NAALADL2: variants seen among roughly 807,000 people sequenced by gnomAD.
NAALADL2 encodes the protein N-acetylated alpha-linked acidic dipeptidase like 2.
In NAALADL2, 76 loss-of-function variants were observed where a neutral mutation model predicts 87.2. That is an observed-to-expected ratio of 0.87 (90% confidence interval 0.72 to 1.05). NAALADL2 has a LOEUF of 1.05. Ranked by LOEUF, NAALADL2 falls within the 50% of genes least tolerant of loss-of-function variation. NAALADL2 has a pLI of 0.00. For synonymous variants in NAALADL2, 354 were observed against 331.0 expected (o/e 1.07, Z -0.75); for missense variants, 1,089 against 945.8 (o/e 1.15, Z -1.99).
intron 1 of NAALADL2, among the ~76,000 whole-genome samples, chr3:174,953,063 G>A (rs1271660664): frequency 1.3e-5 from 2 of 151,926 alleles, no homozygotes; most frequent in African/African-American, 2.4e-5. Flanking sequence ...CAACAACCCT[G>A]TGGGAAGTTA....
intron 2 of NAALADL2, among the ~76,000 whole-genome samples, chr3:175,158,767 G>GA (rs1401062333): frequency 2.6e-5 from 4 of 151,770 alleles, no homozygotes; most frequent in African/African-American, 7.3e-5. Flanking sequence ...TTGAAAATTA[G>GA]AAAAAATAGG....
At chr3:174,987,389 G>A (rs928414685) in intron 1 of NAALADL2, among the ~76,000 whole-genome samples, 10 of 150,102 alleles carry the variant, frequency 6.7e-5, no homozygotes, top group Non-Finnish European at 1.2e-4. Flanking sequence ...CTAAAACGGT[G>A]AAACCCCGTC....
intron 1 of NAALADL2, among the ~76,000 whole-genome samples, chr3:174,531,915 G>C (rs1464129): frequency 0.67 from 101,917 of 151,930 alleles, 34,597 homozygotes; most frequent in East Asian, 0.87. Context: ...GGACTTGTCT[G>C]TAGAAATACA....
At chr3:175,452,382 A>G (rs1434385268) in intron 6 of NAALADL2, among the ~76,000 whole-genome samples, 2 of 152,190 alleles carry the variant, frequency 1.3e-5, no homozygotes, top group Non-Finnish European at 2.9e-5. Context: ...TGGCCATAAC[A>G]AAACTAAGTA....
At chr3:174,834,656 A>T (rs1346359537) in intron 3 of NAALADL2, among the ~76,000 whole-genome samples, 3 of 151,910 alleles carry the variant, frequency 2.0e-5, no homozygotes, top group Admixed American at 1.3e-4. Context: ...ATACTAGTAA[A>T]ATACTATTAA....
chr3:174,471,239 G>A (rs1263112906), intron 1 of NAALADL2, among the ~76,000 whole-genome samples: 2 of 151,314 alleles, frequency 1.3e-5, no homozygotes, highest in African/African-American at 4.9e-5. Context: ...ATAAATATAA[G>A]TTTTTCTGTA....
chr3:174,709,318 C>T (rs1730404636), intron 2 of NAALADL2, among the ~76,000 whole-genome samples: 1 of 152,052 alleles, frequency 6.6e-6, no homozygotes, highest in South Asian at 2.1e-4. Context: ...TGTCTTTCAT[C>T]ATGTTCATTG....
At chr3:175,079,266 T>A (rs538791441) in intron 1 of NAALADL2, 1 of 152,364 alleles carries the variant, frequency 6.6e-6, no homozygotes, top group East Asian at 1.9e-4. Flanking sequence ...TGTCATTTTT[T>A]AAATTGGATT....
At chr3:175,695,174 G>A (rs1270370905) in intron 11 of NAALADL2, among the ~76,000 whole-genome samples, 1 of 151,856 alleles carries the variant, frequency 6.6e-6, no homozygotes, top group African/African-American at 2.4e-5. Flanking sequence ...ATAAACCATG[G>A]TTTCCAACAA....
intron 5 of NAALADL2, among the ~76,000 whole-genome samples, chr3:175,362,815 T>C (rs764236893): frequency 1.1e-4 from 17 of 147,948 alleles, no homozygotes; most frequent in Non-Finnish European, 2.3e-4. Flanking sequence ...TAGAACTGTT[T>C]CCTGTTCACT....
intron 2 of NAALADL2, among the ~76,000 whole-genome samples, chr3:174,675,245 T>A (rs910339478): frequency 2.6e-5 from 4 of 152,042 alleles, no homozygotes; most frequent in African/African-American, 9.7e-5. Context: ...GCTTTGAGAT[T>A]ATTCCTAGTT....
At chr3:175,462,648 A>G (rs948730166) in intron 6 of NAALADL2, among the ~76,000 whole-genome samples, 1 of 152,116 alleles carries the variant, frequency 6.6e-6, no homozygotes, top group Non-Finnish European at 1.5e-5. Flanking sequence ...CCACTTCCCA[A>G]CCCAGACTTC....
At chr3:175,502,536 T>G (rs913744297) in intron 9 of NAALADL2, among the ~76,000 whole-genome samples, 1 of 152,118 alleles carries the variant, frequency 6.6e-6, no homozygotes, top group Non-Finnish European at 1.5e-5. Flanking sequence ...TAAGACTGGA[T>G]CATATACACC....
chr3:175,285,203 CT>C (rs1226058482), intron 4 of NAALADL2, among the ~76,000 whole-genome samples: 1 of 152,024 alleles, frequency 6.6e-6, no homozygotes, highest in Non-Finnish European at 1.5e-5. Flanking sequence ...TCCTATAAAA[CT>C]TTTTAGTTAC....
At chr3:174,704,404 T>C (rs1729864233) in intron 2 of NAALADL2, among the ~76,000 whole-genome samples, 1 of 152,134 alleles carries the variant, frequency 6.6e-6, no homozygotes, top group Admixed American at 6.5e-5. Context: ...AAGCTTATTA[T>C]AAGCAACATA....
At chr3:175,603,688 A>G (rs1723265462) in intron 10 of NAALADL2, among the ~76,000 whole-genome samples, 1 of 152,172 alleles carries the variant, frequency 6.6e-6, no homozygotes, top group Admixed American at 6.5e-5. Context: ...CATTGCATGT[A>G]TAGGCTGCAT....
At chr3:175,574,306 C>T (rs1292532781) in intron 9 of NAALADL2, among the ~76,000 whole-genome samples, 1 of 152,098 alleles carries the variant, frequency 6.6e-6, no homozygotes, top group East Asian at 1.9e-4. Context: ...TTCTGAAGAA[C>T]AAAGGGAGGG....
intron 12 of NAALADL2, among the ~76,000 whole-genome samples, chr3:175,738,636 T>C (rs1391297722): frequency 6.6e-6 from 1 of 152,164 alleles, no homozygotes; most frequent in East Asian, 1.9e-4. Context: ...ATGATTTTAT[T>C]ATAGTGACTG....
At chr3:175,179,986 T>G (rs1736227638) in intron 2 of NAALADL2, among the ~76,000 whole-genome samples, 1 of 151,972 alleles carries the variant, frequency 6.6e-6, no homozygotes, top group Non-Finnish European at 1.5e-5. Flanking sequence ...ACATTTCAAT[T>G]TCTGTAATTG....
Sources: allele counts gnomAD v4.1 joint callset (sites outside exome capture counted in the v4.1 genomes callset), GRCh38; gene constraint gnomAD v4.1.1; transcripts MANE v1.5; gene names NCBI Gene and HGNC (gene_info 2026-07-23, HGNC 2026-07-21).